Variants in LRFN5 observed in about 807,000 individuals in gnomAD.
LRFN5 encodes leucine rich repeat and fibronectin type III domain containing 5, also known as leucine-rich repeat and fibronectin type-III domain-containing protein 5.
A neutral mutation model predicts 45.6 loss-of-function variants in LRFN5; 24 were observed. The ratio of observed to expected loss-of-function variants is 0.53; its 90% CI spans 0.38 to 0.74. LRFN5 has a LOEUF of 0.74. LRFN5 is among the 30% of genes least tolerant of loss of function. The pLI, the probability that LRFN5 is intolerant of heterozygous loss-of-function variation, is 0.00. For synonymous variants in LRFN5, 340 were observed against 313.8 expected, an observed-to-expected ratio of 1.08 and a Z score of -0.88; for missense variants, 776 against 861.5, an observed-to-expected ratio of 0.90 and a Z score of 1.24.
chr14:41,784,028 T>A (rs1055395000), intron 2 of LRFN5, among the ~76,000 whole-genome samples: 2 of 152,290 alleles, frequency 1.3e-5, no homozygotes, highest in Non-Finnish European at 2.9e-5. Flanking sequence ...AACATTGGCC[T>A]ATATGTAAGG....
intron 1 of LRFN5, among the ~76,000 whole-genome samples, chr14:41,637,402 T>A (rs960341622): frequency 1.3e-5 from 2 of 152,186 alleles, no homozygotes; most frequent in Admixed American, 6.6e-5. Context: ...GAAAACTTTT[T>A]TTTTCCCTTT....
chr14:41,782,312 C>T (rs1288161733), intron 2 of LRFN5, among the ~76,000 whole-genome samples: 1 of 151,636 alleles, frequency 6.6e-6, no homozygotes, highest in Non-Finnish European at 1.5e-5. Flanking sequence ...TAGCTTTATC[C>T]TGTTTACTGT....
chr14:41,674,005 C>G lies in LRFN5; in HGVS notation c.-197+65443C>G, dbSNP rs960400248. On this transcript the variant is annotated intron_variant, in intron 1 of 5. Transcript: ENST00000298119. Reference sequence around the variant, plus strand: ...TGCCGGGCGGAGACGCTGCTCACTTCCCAGACGCGGTGGCTGCCGGGCAGA... The same window carrying G: ...TGCCGGGCGGAGACGCTGCTCACTTGCCAGACGCGGTGGCTGCCGGGCAGA... 4.8e-5 allele frequency among the ~76,000 whole-genome samples: 7 copies of G among 145,722 alleles called. 1 individual carries two copies. The highest frequency in any genetic ancestry group is 1.8e-4 in the African/African-American group (7 of 39,228).
chr14:41,741,814 T>TAAA lies in LRFN5; in HGVS notation c.-196-25030_-196-25028dup, dbSNP rs59143932. Among the ~76,000 whole-genome samples, 706 of 135,038 alleles carry TAAA rather than the reference T, an allele frequency of 5.2e-3. 10 individuals carry two copies. Among genetic ancestry groups the TAAA allele is most frequent in the Non-Finnish European group, 9.0e-3 (560 of 62,014 alleles). The allele number at this position is 135,038 out of a possible 152,430, so 88.6% of individuals were successfully genotyped here. A position where few individuals can be genotyped will look rare whatever the true frequency, so the allele number is the denominator to read the frequency against. On this transcript the variant is annotated intron_variant, in intron 1 of 5. Transcript: ENST00000298119. ...CCATACATATGGTAAGGGGCTAAAA[T>TAAA]AAAAAAAAAAAACCAAAAAACTAAT... is the stretch of plus-strand genomic sequence containing the variant.
chr14:41,892,250 G>A (rs1890811479), intron 4 of LRFN5: 3 of 984,114 alleles, frequency 3.0e-6, no homozygotes, highest in African/African-American at 1.7e-5. Flanking sequence ...ATTGGAATTT[G>A]CAATTCCAAT....
chr14:41,650,132 C>G (rs1880024439), intron 1 of LRFN5, among the ~76,000 whole-genome samples: 1 of 151,900 alleles, frequency 6.6e-6, no homozygotes, highest in Non-Finnish European at 1.5e-5. Flanking sequence ...TGGTGGCTCA[C>G]ACCTGTAATC....
intron 2 of LRFN5, among the ~76,000 whole-genome samples, chr14:41,877,802 C>T (rs1410904439): frequency 6.6e-6 from 1 of 152,132 alleles, no homozygotes; most frequent in East Asian, 1.9e-4. Flanking sequence ...GATCCTAACT[C>T]TCTAAGTTTG....
intron 1 of LRFN5, among the ~76,000 whole-genome samples, chr14:41,721,613 T>C (rs1347257530): frequency 6.6e-6 from 1 of 152,150 alleles, no homozygotes; most frequent in Non-Finnish European, 1.5e-5. Context: ...AAAATGTATC[T>C]CCTTTGTTAT....
At chr14:41,668,091 C>T (rs1180096627) in intron 1 of LRFN5, among the ~76,000 whole-genome samples, 1 of 152,084 alleles carries the variant, frequency 6.6e-6, no homozygotes, top group Non-Finnish European at 1.5e-5. Context: ...CTTGTTTGGT[C>T]ACTTGAGAAA....
chr14:41,714,769 G>T (rs1883421848), intron 1 of LRFN5, among the ~76,000 whole-genome samples: 1 of 152,068 alleles, frequency 6.6e-6, no homozygotes, highest in East Asian at 1.9e-4. Flanking sequence ...GCTAGGAGTG[G>T]TTGTGCACAC....
chr14:41,884,756 G>A (rs370117288), intron 2 of LRFN5, among the ~76,000 whole-genome samples: 33 of 152,186 alleles, frequency 2.2e-4, no homozygotes, highest in African/African-American at 7.0e-4. Flanking sequence ...GGACAGGTTG[G>A]GGGCTCAGAT....
At chr14:41,802,196 G>A (rs1346214398) in intron 2 of LRFN5, among the ~76,000 whole-genome samples, 3 of 152,104 alleles carry the variant, frequency 2.0e-5, no homozygotes, top group Non-Finnish European at 4.4e-5. Flanking sequence ...AGGGACTATT[G>A]CAATAGTGGA....
intron 2 of LRFN5, among the ~76,000 whole-genome samples, chr14:41,824,124 G>C (rs1330687729): frequency 6.6e-6 from 1 of 151,692 alleles, no homozygotes; most frequent in Admixed American, 6.6e-5. Flanking sequence ...ATCTAATTGA[G>C]TTCCCTTACA....
chr14:41,870,742 CT>C (rs1242767780), intron 2 of LRFN5, among the ~76,000 whole-genome samples: 2 of 152,046 alleles, frequency 1.3e-5, no homozygotes, highest in East Asian at 3.9e-4. Flanking sequence ...TACAAACTGC[CT>C]TTTTTTACTG....
intron 1 of LRFN5, among the ~76,000 whole-genome samples, chr14:41,722,679 G>C (rs1404452012): frequency 6.6e-6 from 1 of 151,766 alleles, no homozygotes; most frequent in African/African-American, 2.4e-5. Flanking sequence ...ATGCATTTCA[G>C]CAGATTTTAT....
At chr14:41,650,693 G>C (rs2138618498) in intron 1 of LRFN5, among the ~76,000 whole-genome samples, 1 of 152,092 alleles carries the variant, frequency 6.6e-6, no homozygotes, top group South Asian at 2.1e-4. Flanking sequence ...TATTTATAAA[G>C]AACAAAAAGG....
At chr14:41,758,722 A>T (rs554745841) in intron 1 of LRFN5, among the ~76,000 whole-genome samples, 1 of 152,214 alleles carries the variant, frequency 6.6e-6, no homozygotes. Flanking sequence ...TTTGTCTTTT[A>T]TACATGACTG....
chr14:41,618,109 A>G (rs1887984971), intron 1 of LRFN5, among the ~76,000 whole-genome samples: 3 of 152,176 alleles, frequency 2.0e-5, no homozygotes, highest in Non-Finnish European at 4.4e-5. Flanking sequence ...TGTTATTTCC[A>G]TGACAGAGGG....
intron 1 of LRFN5, among the ~76,000 whole-genome samples, chr14:41,618,475 G>A (rs75927458): frequency 0.011 from 1,733 of 152,242 alleles, 12 homozygotes; most frequent in Middle Eastern, 0.024. Flanking sequence ...CTGAGGACAG[G>A]TGGCCTGGCT....
Sources: gnomAD v4.1 joint callset for allele counts (sites outside exome capture counted in the v4.1 genomes callset) on GRCh38, gnomAD v4.1.1 for gene constraint, MANE v1.5 for transcripts, NCBI Gene and HGNC (gene_info 2026-07-23, HGNC 2026-07-21) for gene names.